The following ANO3 variants were observed in gnomAD, a reference collection of about 807,000 sequenced individuals.
ANO3 encodes the protein anoctamin 3.
A neutral mutation model predicts 144.8 loss-of-function variants in ANO3; 99 were observed. That is an observed-to-expected ratio of 0.68 (90% confidence interval 0.58 to 0.81). ANO3 has a LOEUF of 0.81. ANO3 is among the 30% of genes least tolerant of loss of function. The probability of loss-of-function intolerance (pLI) is 0.00; values close to 1 mark genes in which losing one functional copy is unlikely to be tolerated. For synonymous variants in ANO3, 414 were observed against 392.6 expected (o/e 1.05, Z -0.64); for missense variants, 905 against 1,202.2 (o/e 0.75, Z 3.66).
chr11:26,530,038 A>G (rs796231705), intron 7 of ANO3, among the ~76,000 whole-genome samples: 49 of 152,268 alleles, frequency 3.2e-4, no homozygotes, highest in African/African-American at 9.9e-4. Context: ...TCCCTATCCC[A>G]GGCCTATGAA....
At chr11:26,549,214 A>G (rs537553734) in intron 12 of ANO3, among the ~76,000 whole-genome samples, 5 of 152,140 alleles carry the variant, frequency 3.3e-5, no homozygotes, top group African/African-American at 1.2e-4. Context: ...CTTTGGTACA[A>G]GGAGTGTTCT....
At chr11:26,553,976 A>G (rs906861559) in intron 13 of ANO3, among the ~76,000 whole-genome samples, 2 of 152,210 alleles carry the variant, frequency 1.3e-5, no homozygotes, top group Non-Finnish European at 2.9e-5. Flanking sequence ...GTACCTACTT[A>G]AAGTGTATGA....
chr11:26,494,234 GTA>G (rs559439188), intron 4 of ANO3, among the ~76,000 whole-genome samples: 13 of 150,714 alleles, frequency 8.6e-5, no homozygotes, highest in African/African-American at 2.4e-5. Context: ...ATATGTGTGT[GTA>G]TATATATATA....
intron 14 of ANO3, among the ~76,000 whole-genome samples, chr11:26,576,428 T>C (rs544184465): frequency 2.0e-5 from 3 of 152,122 alleles, no homozygotes; most frequent in Non-Finnish European, 2.9e-5. Context: ...TCAGCATGAA[T>C]AAATGTTGAG....
chr11:26,418,223 G>T (rs544073739), intron 1 of ANO3, among the ~76,000 whole-genome samples: 80 of 152,226 alleles, frequency 5.3e-4, no homozygotes, highest in African/African-American at 1.9e-3. Context: ...AACAGGTTGT[G>T]CCCTGATGCA....
At chr11:26,569,270 A>G (rs1188148874) in intron 14 of ANO3, among the ~76,000 whole-genome samples, 2 of 152,294 alleles carry the variant, frequency 1.3e-5, no homozygotes, top group Middle Eastern at 3.4e-3. Context: ...GTTACTGCCT[A>G]TAATTTATCT....
At chr11:26,312,217 G>C (rs1461389194) in intron 1 of ANO3, among the ~76,000 whole-genome samples, 2 of 152,138 alleles carry the variant, frequency 1.3e-5, no homozygotes, top group East Asian at 3.9e-4. Context: ...GTGTATATGT[G>C]CCACATTTTC....
At chr11:26,263,156 C>G (rs1368477475) in intron 1 of ANO3, among the ~76,000 whole-genome samples, 1 of 152,168 alleles carries the variant, frequency 6.6e-6, no homozygotes, top group African/African-American at 2.4e-5. Context: ...TTTTACTCTT[C>G]AACTTCCAGA....
intron 21 of ANO3, among the ~76,000 whole-genome samples, chr11:26,639,740 A>G (rs1213438991): frequency 6.6e-6 from 1 of 152,224 alleles, no homozygotes; most frequent in Non-Finnish European, 1.5e-5. Context: ...TTGTACTAAC[A>G]TCAAAACAAT....
At chr11:26,520,284 T>C (rs1862020639) in intron 6 of ANO3, among the ~76,000 whole-genome samples, 1 of 152,114 alleles carries the variant, frequency 6.6e-6, no homozygotes, top group Admixed American at 6.6e-5. Context: ...TTGACTCAGA[T>C]CATTTTTAAA....
In ANO3 at chr11:26,260,514, C is replaced by T. The variant is rs115432588; in HGVS notation, c.155-49131C>T. Among the ~76,000 whole-genome samples the T allele has an allele frequency of 4.0e-3, 606 of 152,034 alleles. 10 individuals carry two copies. The highest frequency in any genetic ancestry group is 0.014 in the African/African-American group (595 of 41,392). ...CAGAATCTCAAGAAAGAGATATCAC[C>T]GCATGGAACAGTCCTTAAGGGGGCC... On this transcript the variant is annotated intron_variant, in intron 1 of 27. Transcript: ENST00000672621.
rs754140755 is a variant in ANO3, at chr11:26,635,040, T to C, written c.2013T>C (p.Asn671=). The C allele has an allele frequency of 9.9e-6, 16 of 1,613,468 alleles. No homozygotes were observed. The Admixed American group carries it at 1.8e-4, about 18-fold the overall frequency. The stretch of plus-strand genomic sequence containing the variant: ...TCGTAGGCCACCCAGGAAAATACAA[T>C]AAACTTTTTGACCGGTGGAGACTGG... ...GRFVGHPGKY[N]KLFDRWRLEE... Residue 671 remains asparagine, a synonymous_variant, in exon 20 of 27, where the codon AAT becomes AAC. Coordinates refer to ENST00000256737, the MANE Select transcript of ANO3 (RefSeq NM_031418.4).
At chr11:26,350,985 G>A (rs1855631341) in intron 1 of ANO3, among the ~76,000 whole-genome samples, 1 of 152,106 alleles carries the variant, frequency 6.6e-6, no homozygotes, top group African/African-American at 2.4e-5. Flanking sequence ...GATATGTAGG[G>A]AGAACTTTTG....
At chr11:26,269,067 C>T (rs1405936499) in intron 1 of ANO3, among the ~76,000 whole-genome samples, 1 of 152,170 alleles carries the variant, frequency 6.6e-6, no homozygotes, top group African/African-American at 2.4e-5. Context: ...CAGGCCCAAC[C>T]AGAGGCAATT....
intron 1 of ANO3, among the ~76,000 whole-genome samples, chr11:26,296,030 C>A (rs1464565934): frequency 6.6e-6 from 1 of 152,206 alleles, no homozygotes; most frequent in Non-Finnish European, 1.5e-5. Flanking sequence ...AACATAATTG[C>A]TGCCACTGCT....
intron 1 of ANO3, among the ~76,000 whole-genome samples, chr11:26,282,669 C>A (rs11029469): frequency 0.06 from 9,143 of 152,114 alleles, 506 homozygotes; most frequent in African/African-American, 0.15. Context: ...AAAAACAAGA[C>A]TATATCTCCA....
chr11:26,199,895 A>C (rs889309901), intron 1 of ANO3, among the ~76,000 whole-genome samples: 3 of 152,164 alleles, frequency 2.0e-5, no homozygotes, highest in African/African-American at 7.2e-5. Context: ...TTAGTAGATA[A>C]AACCACAGTG....
chr11:26,567,237 A>T (rs1850624403), intron 14 of ANO3: 2 of 738,638 alleles, frequency 2.7e-6, no homozygotes, highest in South Asian at 5.4e-5. Flanking sequence ...AATTTACTTT[A>T]AAAAAATAGA....
chr11:26,641,150 G>C (rs541066430), intron 21 of ANO3, among the ~76,000 whole-genome samples: 1 of 152,184 alleles, frequency 6.6e-6, no homozygotes, highest in African/African-American at 2.4e-5. Context: ...ATAATTCCAA[G>C]ATTGTACTTG....
Sources: allele counts gnomAD v4.1 joint callset (sites outside exome capture counted in the v4.1 genomes callset), GRCh38; gene constraint gnomAD v4.1.1; transcripts MANE v1.5; gene names NCBI Gene and HGNC (gene_info 2026-07-23, HGNC 2026-07-21).